Variants in AHCYL2 observed in about 807,000 individuals in gnomAD.
AHCYL2 encodes adenosylhomocysteinase like 2.
AHCYL2 carries 28 observed loss-of-function variants against 81.4 expected under a neutral mutation model. The observed-to-expected ratio is 0.34, with a 90% CI of 0.25 to 0.47. The LOEUF (loss-of-function observed/expected upper bound fraction) is 0.47. AHCYL2 is among the 20% of genes least tolerant of loss of function. The pLI is 1.00. For missense variants in AHCYL2, 551 were observed against 785.1 expected, an observed-to-expected ratio of 0.70 and a Z score of 3.56; for synonymous variants, 272 against 290.2, an observed-to-expected ratio of 0.94 and a Z score of 0.64.
chr7:129,359,888 ATTAC>A (rs1363280220), intron 1 of AHCYL2, among the ~76,000 whole-genome samples: 1 of 152,164 alleles, frequency 6.6e-6, no homozygotes, highest in Non-Finnish European at 1.5e-5. Context: ...TAATCTTTGT[ATTAC>A]TTAATTGTTT....
chr7:129,337,945 T>C (rs918080916), intron 1 of AHCYL2, among the ~76,000 whole-genome samples: 4 of 149,932 alleles, frequency 2.7e-5, no homozygotes, highest in Non-Finnish European at 5.9e-5. Context: ...GGTTTCTCCA[T>C]GTTGGTCAGG....
intron 1 of AHCYL2, among the ~76,000 whole-genome samples, chr7:129,346,475 A>G (rs1334638054): frequency 3.9e-5 from 6 of 152,236 alleles, no homozygotes; most frequent in South Asian, 2.1e-4. Context: ...GGCAAAAGAC[A>G]TGGATAGAAA....
At chr7:129,301,178 A>G (rs980176088) in intron 1 of AHCYL2, among the ~76,000 whole-genome samples, 1 of 152,158 alleles carries the variant, frequency 6.6e-6, no homozygotes, top group Non-Finnish European at 1.5e-5. Context: ...ATATCTATTC[A>G]GATCTTTTGC....
chr7:129,255,767 C>A (rs1222265177), intron 1 of AHCYL2, among the ~76,000 whole-genome samples: 1 of 152,070 alleles, frequency 6.6e-6, no homozygotes, highest in Non-Finnish European at 1.5e-5. Context: ...GAGTTCAAGA[C>A]CAGCCTGCCA....
chr7:129,280,957 T>TG (rs35253341), intron 1 of AHCYL2, among the ~76,000 whole-genome samples: 142,091 of 151,404 alleles, frequency 0.94, 67,321 homozygotes, highest in East Asian at 1. Flanking sequence ...CTCTGCCTCC[T>TG]GGTTCAAGTG....
chr7:129,422,050 C>G (rs1797142003), intron 12 of AHCYL2, among the ~76,000 whole-genome samples: 1 of 152,172 alleles, frequency 6.6e-6, no homozygotes, highest in Non-Finnish European at 1.5e-5. Context: ...TAGGCATTGC[C>G]TGTTGGAAGA....
chr7:129,321,554 A>C (rs1049485811), intron 1 of AHCYL2, among the ~76,000 whole-genome samples: 1 of 152,144 alleles, frequency 6.6e-6, no homozygotes, highest in African/African-American at 2.4e-5. Flanking sequence ...GCTGGAATAG[A>C]TTGTCTAAAA....
intron 1 of AHCYL2, among the ~76,000 whole-genome samples, chr7:129,330,405 C>T (rs901234218): frequency 6.6e-6 from 1 of 151,638 alleles, no homozygotes; most frequent in Non-Finnish European, 1.5e-5. Flanking sequence ...ATTTTCCAGT[C>T]TTTCAAAAGA....
chr7:129,385,380 G>C (rs780751370), intron 2 of AHCYL2, among the ~76,000 whole-genome samples: 1 of 152,184 alleles, frequency 6.6e-6, no homozygotes, highest in Non-Finnish European at 1.5e-5. Flanking sequence ...TCTGACTGCT[G>C]CTTCTCCTAG....
At chr7:129,352,778 G>A (rs1793610809) in intron 1 of AHCYL2, among the ~76,000 whole-genome samples, 1 of 151,866 alleles carries the variant, frequency 6.6e-6, no homozygotes, top group South Asian at 2.1e-4. Flanking sequence ...CTTCTTGCCT[G>A]TCTCTAATCC....
At chr7:129,350,090 A>G (rs547226263) in intron 1 of AHCYL2, among the ~76,000 whole-genome samples, 2 of 152,334 alleles carry the variant, frequency 1.3e-5, no homozygotes, top group Admixed American at 6.5e-5. Flanking sequence ...AAGGCTTTAT[A>G]GAAGATGGGA....
intron 1 of AHCYL2, among the ~76,000 whole-genome samples, chr7:129,238,005 C>T (rs1794701443): frequency 6.6e-6 from 1 of 152,120 alleles, no homozygotes; most frequent in Non-Finnish European, 1.5e-5. Context: ...CAGATGTGAG[C>T]CACCACACCT....
intron 1 of AHCYL2, among the ~76,000 whole-genome samples, chr7:129,287,824 A>G (rs1013199067): frequency 6.6e-6 from 1 of 152,128 alleles, no homozygotes; most frequent in Non-Finnish European, 1.5e-5. Context: ...AATGTTTTTT[A>G]TAATGGAAAA....
intron 1 of AHCYL2, among the ~76,000 whole-genome samples, chr7:129,324,748 C>T (rs1251450639): frequency 6.6e-6 from 1 of 152,014 alleles, no homozygotes; most frequent in Non-Finnish European, 1.5e-5. Flanking sequence ...ATCTCCTGAC[C>T]TCGTGATCCA....
At chr7:129,331,852 T>C (rs917875561) in intron 1 of AHCYL2, among the ~76,000 whole-genome samples, 15 of 150,992 alleles carry the variant, frequency 9.9e-5, no homozygotes, top group Admixed American at 7.9e-4. Flanking sequence ...AAAAAAAAAT[T>C]TTAATTTAAT....
intron 1 of AHCYL2, among the ~76,000 whole-genome samples, chr7:129,366,633 G>A (rs905208978): frequency 2.0e-5 from 3 of 152,006 alleles, no homozygotes; most frequent in African/African-American, 4.8e-5. Flanking sequence ...AAAGTTAGCC[G>A]GGCGTGGTGG....
intron 2 of AHCYL2, chr7:129,388,157 C>G (rs1795286615): frequency 6.6e-6 from 1 of 152,092 alleles, no homozygotes; most frequent in Non-Finnish European, 1.5e-5. Context: ...TGTTTCTTAA[C>G]CCCCCAAAAA....
In AHCYL2 at chr7:129,337,652, A is replaced by G. The variant is rs533288516; in HGVS notation, c.364-41986A>G. ...GACCTCAGGTGATCCACCTGCCTCA[A>G]CTTCCCAAAGTGCTGGGATTACAGG... On this transcript the variant is annotated intron_variant, in intron 1 of 16. Coordinates refer to ENST00000325006, the MANE Select transcript of AHCYL2 (RefSeq NM_015328.4). Among the ~76,000 whole-genome samples the G allele has an allele frequency of 1.2e-3, 185 of 151,016 alleles. 1 individual carries two copies. The highest frequency in any genetic ancestry group is 2.1e-3 in the Non-Finnish European group (140 of 67,672).
At chr7:129,372,764 G>A (rs900577571) in intron 1 of AHCYL2, among the ~76,000 whole-genome samples, 2 of 152,070 alleles carry the variant, frequency 1.3e-5, no homozygotes, top group Admixed American at 6.6e-5. Context: ...GCAGTGAGCC[G>A]AGATGGCACC....
Sources: allele counts gnomAD v4.1 joint callset (sites outside exome capture counted in the v4.1 genomes callset), GRCh38; gene constraint gnomAD v4.1.1; transcripts MANE v1.5; gene names NCBI Gene and HGNC (gene_info 2026-07-23, HGNC 2026-07-21).